The following ADAMTS13 variants were observed in gnomAD, a reference collection of about 807,000 sequenced individuals.
ADAMTS13 encodes the protein ADAM metallopeptidase with thrombospondin type 1 motif 13, also known as A disintegrin and metalloproteinase with thrombospondin motifs 13.
ADAMTS13 carries 110 observed loss-of-function variants against 155.1 expected under a neutral mutation model. The ratio of observed to expected loss-of-function variants is 0.71; its 90% CI spans 0.61 to 0.83. The LOEUF (loss-of-function observed/expected upper bound fraction) is 0.83, where lower values mean the gene tolerates loss of function less well. Among genes scored for constraint, ADAMTS13 ranks in the 40% least tolerant of loss-of-function variants. The pLI, the probability that ADAMTS13 is intolerant of heterozygous loss-of-function variation, is 0.00. For synonymous variants in ADAMTS13, 758 were observed against 756.4 expected (o/e 1.00, Z -0.03); for missense variants, 1,707 against 1,891.7 (o/e 0.90, Z 1.81).
In ADAMTS13 at chr9:133,424,814, T is replaced by A. The variant is rs995459782; in HGVS notation, c.330+336T>A. On this transcript the variant is annotated intron_variant, in intron 3 of 28. Transcript: ENST00000355699. The surrounding 1 kb of genome is among the most constrained non-coding windows in gnomAD (Gnocchi z 4.3). ...CAAATGGGATACGGGCTGCTCACAC[T>A]GCCCTCTGCACCCCGACCCTGCCCT... is the stretch of plus-strand genomic sequence containing the variant. 6.6e-6 allele frequency among the ~76,000 whole-genome samples: 1 copy of A among 152,212 alleles called. No homozygotes were observed. The highest frequency in any genetic ancestry group is 2.4e-5 in the African/African-American group (1 of 41,452).
rs1554793858 is a variant in ADAMTS13 at position 133,449,854 on chromosome 9, C to T, written c.2933C>T (p.Ala978Val). Reference protein sequence around the residue: ...RGVVRRILYCARAHGEDDGEE... With the variant: ...RGVVRRILYCVRAHGEDDGEE... ...GTCGTGCGGAGGATCCTGTATTGTG[C>T]CCGGGCCCATGGGGAGGACGATGGT... Residue 978 changes from alanine (A) to valine (V), a missense_variant, in exon 23 of 29, where the codon GCC becomes GTC. Physicochemically the swap from Ala to Val is moderately conservative, Grantham distance 64. Coordinates refer to ENST00000355699, the MANE Select transcript of ADAMTS13 (RefSeq NM_139027.6). 6.2e-7 allele frequency: 1 copy of T among 1,614,030 alleles called. No homozygotes were observed.
chr9:133,422,934 C>CTTTT lies in ADAMTS13; in HGVS notation c.106-147_106-144dup, dbSNP rs71281254. Among the ~76,000 whole-genome samples the CTTTT allele has an allele frequency of 1.5e-3, 138 of 93,224 alleles. 1 individual carries two copies. Among genetic ancestry groups the CTTTT allele is most frequent in the African/African-American group, 4.4e-3 (120 of 27,416 alleles). 61.2% of individuals were successfully genotyped at this position (93,224 alleles called of 152,430 possible). On this transcript the variant is annotated intron_variant, in intron 1 of 28. Coordinates refer to ENST00000355699, the MANE Select transcript of ADAMTS13 (RefSeq NM_139027.6). The stretch of plus-strand genomic sequence containing the variant: ...TGTTCTTTTTTCTTTCTCTCTCTCT[C>CTTTT]TTTTTTTTTTTTTTTTTTTTTTTAA...
intron 23 of ADAMTS13, among the ~76,000 whole-genome samples, chr9:133,450,294 C>T (rs1486913496): frequency 2.0e-5 from 3 of 151,550 alleles, no homozygotes; most frequent in Admixed American, 1.3e-4. Flanking sequence ...TTAGGCTGGG[C>T]GCGGTGGCTC....
rs192743572 is a variant in ADAMTS13, at chr9:133,455,984, C to G, written c.3401-85C>G. ...ACAGGGTCCACCCCTACCTCCTGGT[C>G]TCCTTCCTCAGCTTGGAAGCCCCGG... is the stretch of plus-strand genomic sequence containing the variant. On this transcript the variant is annotated intron_variant, in intron 25 of 28. Coordinates refer to ENST00000355699, the MANE Select transcript of ADAMTS13 (RefSeq NM_139027.6). The G allele has an allele frequency of 6.2e-3, 9,779 of 1,584,884 alleles. 907 individuals carry two copies. The Admixed American group carries it at 0.15, about 24-fold the overall frequency.
At chr9:133,433,094 G>A (rs1281163774) in intron 9 of ADAMTS13, among the ~76,000 whole-genome samples, 9 of 142,648 alleles carry the variant, frequency 6.3e-5, no homozygotes, top group African/African-American at 2.1e-4. Context: ...GGGGTTCTGT[G>A]TGTATGTTGG....
At chr9:133,426,436 T>C in intron 6 of ADAMTS13, 91 bp downstream of exon 6, 1 of 1,534,708 alleles carries the variant, frequency 6.5e-7, no homozygotes, top group Non-Finnish European at 8.8e-7. Flanking sequence ...AGTGGGTCCT[T>C]GTAGAGTTTC....
Position 133,454,440 on chromosome 9 carries a change from T to C in ADAMTS13, c.3070T>C (p.Cys1024Arg). 6.2e-7 allele frequency: 1 copy of C among 1,613,814 alleles called. No individual in the cohort carries two copies. Among genetic ancestry groups the C allele is most frequent in the East Asian group, 2.2e-5 (1 of 44,878 alleles). Residue 1024 changes from cysteine to arginine, a missense_variant, in exon 24 of 29, where the codon TGT becomes CGT. Coordinates refer to ENST00000355699, the MANE Select transcript of ADAMTS13 (RefSeq NM_139027.6). Reference protein sequence around the residue: ...PRWKVMSLGPCSASCGLGTAR... With the variant: ...PRWKVMSLGPRSASCGLGTAR... ...GTGGAAAGTCATGTCCCTTGGCCCA[T>C]GTTCGGCCAGCTGTGGCCTTGGCAC...
At chr9:133,431,876 G>A (rs142246590) in intron 8 of ADAMTS13, among the ~76,000 whole-genome samples, 3,154 of 152,134 alleles carry the variant, frequency 0.021, 121 homozygotes, top group African/African-American at 0.072. Context: ...GGATGGTCTC[G>A]CTCTCCTGAC....
intron 11 of ADAMTS13, among the ~76,000 whole-genome samples, chr9:133,434,399 A>G (rs1161484834): frequency 6.6e-6 from 1 of 152,064 alleles, no homozygotes; most frequent in Non-Finnish European, 1.5e-5. Context: ...TCTGCCTCCC[A>G]GGTTCAAGCG....
chr9:133,450,061 G>C, intron 23 of ADAMTS13, 96 bp downstream of exon 23: 1 of 1,444,360 alleles, frequency 6.9e-7, no homozygotes, highest in Non-Finnish European at 9.3e-7. Flanking sequence ...TACTTGGAAA[G>C]CTGAATCAGG....
In ADAMTS13 at chr9:133,428,736, C is replaced by T. The variant is rs1028404712; in HGVS notation, c.789C>T (p.Ser263=). ...GAAPRAGLAW[S]PCSRRQLLSL... is the part of the protein sequence containing the mutation. ...CGCCCCGCGCCGGCCTCGCCTGGTC[C>T]CCCTGCAGCCGCCGGCAGCTGCTGA... is the stretch of plus-strand genomic sequence containing the variant. The change falls in exon 7 of 29, where the codon TCC becomes TCT. Residue 263 remains serine (S), a synonymous_variant. Coordinates refer to ENST00000355699, the MANE Select transcript of ADAMTS13 (RefSeq NM_139027.6). 9.6e-6 allele frequency: 13 copies of T among 1,359,434 alleles called. No individual in the cohort carries two copies. Among genetic ancestry groups the T allele is most frequent in the Non-Finnish European group, 1.1e-5 (12 of 1,053,020 alleles). 84.2% of individuals were successfully genotyped at this position (1,359,434 alleles called of 1,614,324 possible).
chr9:133,443,349 G>T lies in ADAMTS13; in HGVS notation c.2235-27G>T, dbSNP rs782289826. The T allele has an allele frequency of 1.9e-6, 3 of 1,578,770 alleles. No individual in the cohort carries two copies. The African/African-American group carries it at 4.0e-5, about 21-fold the overall frequency. On this transcript the variant is annotated intron_variant, in intron 18 of 28. Transcript: ENST00000355699. ...CAGGCCAGCCTGGGACCTGGCCAGG[G>T]TCCCGACGCTCTGTCTCCTTCCTCA...
At chr9:133,419,932 T>C (rs1839884395), upstream of ADAMTS13, among the ~76,000 whole-genome samples, 2 of 151,274 alleles carry the variant, frequency 1.3e-5, no homozygotes, top group African/African-American at 4.9e-5. Flanking sequence ...GAGACGAAGT[T>C]ATGCTCTTGT....
At chr9:133,428,882 TCCCACCCCTCCGTCCAA>T (rs1198835945) in intron 7 of ADAMTS13, 111 bp downstream of exon 7, 461 of 1,106,122 alleles carry the variant, frequency 4.2e-4, no homozygotes, top group Non-Finnish European at 4.9e-4. Context: ...CTCCTTCCTG[TCCCACCCCTCCGTCCAA>T]CCCACCCCTC....
chr9:133,415,117 C>T, intron 1 of ADAMTS13: 1 of 855,962 alleles, frequency 1.2e-6, no homozygotes, highest in Non-Finnish European at 1.8e-6. Flanking sequence ...ACACCAAACA[C>T]ATCTATACAA....
At position 133,433,652 on chromosome 9, in the gene ADAMTS13, G is replaced by C. The variant is rs1024726284; in HGVS notation, c.1256G>C (p.Gly419Ala). ...CTGGGCATTTTCAGACCTGCCTTTG[G>C]GGGGCGTGCATGTGTTGGTGCTGAC... ...RQCNNPRPAF[G>A]GRACVGADLQ... The change falls in exon 11 of 29, where the codon GGG (glycine) becomes GCG (alanine). Residue 419 changes from glycine to alanine, a missense_variant. This residue lies in a region of ADAMTS13 where 733 missense variants were observed against 749.6 expected (regional missense o/e 0.98). Coordinates refer to ENST00000355699, the MANE Select transcript of ADAMTS13 (RefSeq NM_139027.6). 3.1e-6 allele frequency: 5 copies of C among 1,613,860 alleles called. No individual in the cohort carries two copies. Among genetic ancestry groups the C allele is most frequent in the South Asian group, 1.1e-5 (1 of 91,090 alleles).
chr9:133,439,451 G>A lies in ADAMTS13; in HGVS notation c.1786+5G>A. 6.2e-7 allele frequency: 1 copy of A among 1,612,178 alleles called. No homozygotes were observed. Among genetic ancestry groups the A allele is most frequent in the Non-Finnish European group, 8.5e-7 (1 of 1,178,196 alleles). ...GGCCTCTCTTCACACACTTGGGTGA[G>A]TTGACTGGAGGACTCCCACCCAGTT... On this transcript the variant is annotated splice_donor_5th_base_variant and intron_variant, in intron 15 of 28. Coordinates refer to ENST00000355699, the MANE Select transcript of ADAMTS13 (RefSeq NM_139027.6).
At chr9:133,448,978 G>T (rs1423964135) in intron 22 of ADAMTS13, among the ~76,000 whole-genome samples, 2 of 152,188 alleles carry the variant, frequency 1.3e-5, no homozygotes, top group East Asian at 3.9e-4. Context: ...AGGAGACAGG[G>T]GGTGCTAGGT....
intron 1 of ADAMTS13, among the ~76,000 whole-genome samples, chr9:133,415,261 T>C (rs587630099): frequency 1.1e-4 from 16 of 152,316 alleles, no homozygotes; most frequent in South Asian, 2.1e-4. Flanking sequence ...TGCTCCTTCA[T>C]GCATACAAAA....
Sources: allele counts gnomAD v4.1 joint callset (sites outside exome capture counted in the v4.1 genomes callset), GRCh38; gene constraint gnomAD v4.1.1; regional missense constraint gnomAD v4.1.1; non-coding constraint Gnocchi (gnomAD v3.1); transcripts MANE v1.5; gene names NCBI Gene and HGNC (gene_info 2026-07-23, HGNC 2026-07-21).